Variants in TRPC6 observed in about 807,000 individuals in gnomAD.
TRPC6 encodes short transient receptor potential channel 6.
TRPC6 carries 55 observed loss-of-function variants against 90.7 expected under a neutral mutation model. The ratio of observed to expected loss-of-function variants is 0.61; its 90% CI spans 0.49 to 0.76. TRPC6 has a LOEUF of 0.76. Among genes scored for constraint, TRPC6 ranks in the 30% least tolerant of loss-of-function variants. The pLI is 0.00. For missense variants in TRPC6, 989 were observed against 1,122.7 expected (o/e 0.88, Z 1.70); for synonymous variants, 393 against 393.0 (o/e 1.00, Z 0.00).
intron 2 of TRPC6, among the ~76,000 whole-genome samples, chr11:101,492,436 T>G (rs2136709673): frequency 6.6e-6 from 1 of 151,962 alleles, no homozygotes; most frequent in South Asian, 2.1e-4. Flanking sequence ...ACAGAAAAAA[T>G]TAGCCGGGAG....
intron 2 of TRPC6, among the ~76,000 whole-genome samples, chr11:101,498,755 T>A (rs549104796): frequency 6.6e-6 from 1 of 152,094 alleles, no homozygotes; most frequent in African/African-American, 2.4e-5. Flanking sequence ...ATATGGATAA[T>A]TTTTAGGGAA....
Position 101,571,584 on chromosome 11 carries a change from C to A in TRPC6, c.170+11750G>T, listed in dbSNP as rs186467896. Among the ~76,000 whole-genome samples, 1,316 of 151,912 alleles carry A rather than the reference C, an allele frequency of 8.7e-3. 20 individuals carry two copies. The highest frequency in any genetic ancestry group is 0.028 in the African/African-American group (1,179 of 41,482). ...CAAGACAATCCTAAGCAAAAAGAAC[C>A]AAGCTGGAGGCATCACGCTACCTGA... On this transcript the variant is annotated intron_variant, in intron 1 of 12. Transcript: ENST00000344327.
intron 1 of TRPC6, among the ~76,000 whole-genome samples, chr11:101,512,063 T>C (rs997266939): frequency 4.6e-5 from 7 of 152,068 alleles, no homozygotes; most frequent in African/African-American, 1.7e-4. Flanking sequence ...TCTCTCCCTC[T>C]TGTTTAGAGG....
chr11:101,476,665 C>G, intron 5 of TRPC6, 131 bp from the exon 6 acceptor site: 2 of 765,814 alleles, frequency 2.6e-6, no homozygotes, highest in Non-Finnish European at 2.3e-6. Flanking sequence ...AACCTGCCGT[C>G]CCACCATAAT....
At chr11:101,555,164 T>A (rs1332204998) in intron 1 of TRPC6, among the ~76,000 whole-genome samples, 1 of 152,216 alleles carries the variant, frequency 6.6e-6, no homozygotes, top group Non-Finnish European at 1.5e-5. Flanking sequence ...ATTCACTAGA[T>A]GATTATACAA....
intron 1 of TRPC6, among the ~76,000 whole-genome samples, chr11:101,557,453 A>G (rs923793502): frequency 2.6e-5 from 4 of 152,200 alleles, no homozygotes; most frequent in African/African-American, 9.6e-5. Flanking sequence ...CTGGAACAAG[A>G]TAAGTTGCCC....
chr11:101,569,707 T>C (rs1861914935), intron 1 of TRPC6, among the ~76,000 whole-genome samples: 2 of 152,122 alleles, frequency 1.3e-5, no homozygotes, highest in Admixed American at 1.3e-4. Flanking sequence ...AACTCAGGAT[T>C]AAGAAACTCA....
At chr11:101,469,629 T>TA in intron 9 of TRPC6, 128 bp from the exon 10 acceptor site, 1 of 595,938 alleles carries the variant, frequency 1.7e-6, no homozygotes, top group South Asian at 1.9e-5. Context: ...CTTACGGGGT[T>TA]CTTCCCTTTG....
At chr11:101,491,804 C>A in intron 2 of TRPC6, 66 bp from the exon 3 acceptor site, 10 of 1,166,686 alleles carry the variant, frequency 8.6e-6, no homozygotes, top group South Asian at 1.3e-5. Flanking sequence ...GCTTCAGAGA[C>A]TTGAAGGATT....
chr11:101,540,898 C>T (rs1445547184), intron 1 of TRPC6, among the ~76,000 whole-genome samples: 2 of 152,016 alleles, frequency 1.3e-5, no homozygotes, highest in Non-Finnish European at 2.9e-5. Flanking sequence ...TTAAATATAA[C>T]CTACACAAAA....
At chr11:101,530,983 C>A (rs1860899397) in intron 1 of TRPC6, among the ~76,000 whole-genome samples, 2 of 152,112 alleles carry the variant, frequency 1.3e-5, no homozygotes, top group African/African-American at 4.8e-5. Flanking sequence ...AGGGTACAAA[C>A]TTTCAGTTTG....
chr11:101,476,854 C>A (rs1377124013), intron 5 of TRPC6, among the ~76,000 whole-genome samples: 2 of 152,120 alleles, frequency 1.3e-5, no homozygotes, highest in African/African-American at 4.8e-5. Flanking sequence ...CAAACACACC[C>A]ACACACTCAA....
At chr11:101,582,744 T>C (rs1339074827) in intron 1 of TRPC6, among the ~76,000 whole-genome samples, 2 of 152,032 alleles carry the variant, frequency 1.3e-5, no homozygotes, top group African/African-American at 2.4e-5. Flanking sequence ...ATTGGTTCTA[T>C]TTCTGTCTTC....
At chr11:101,533,447 G>A (rs1221559565) in intron 1 of TRPC6, among the ~76,000 whole-genome samples, 1 of 152,142 alleles carries the variant, frequency 6.6e-6, no homozygotes, top group Non-Finnish European at 1.5e-5. Context: ...CTGTCACAAA[G>A]ACAGTGCCAA....
intron 1 of TRPC6, among the ~76,000 whole-genome samples, chr11:101,559,180 T>C (rs1861655414): frequency 1.3e-5 from 2 of 151,962 alleles, no homozygotes. Context: ...AAAACACAGA[T>C]AATAAATGAG....
intron 1 of TRPC6, among the ~76,000 whole-genome samples, chr11:101,534,042 T>A (rs1860976146): frequency 6.6e-6 from 1 of 152,186 alleles, no homozygotes; most frequent in African/African-American, 2.4e-5. Flanking sequence ...AAAATCAGGC[T>A]CTGCCATCAG....
rs773157063 is a variant in TRPC6 at position 101,471,269 on chromosome 11, A to G, written c.2323T>C (p.Tyr775His). ...NLVPSPKSLF[Y>H]LLLKLKKWIS... ...CATTTTTTAAGCTTCAGTAAGAGAT[A>G]AAACAGGGACTTTGGACTCGGCACC... The change falls in exon 9 of 13, where the codon TAT becomes CAT. Residue 775 changes from tyrosine to histidine, a missense_variant. Transcript: ENST00000344327. The G allele has an allele frequency of 2.5e-6, 4 of 1,614,026 alleles. No individual in the cohort carries two copies. The South Asian group carries it at 3.3e-5, about 13-fold the overall frequency.
chr11:101,471,491 C>G, intron 8 of TRPC6, 105 bp from the exon 9 acceptor site: 2 of 1,171,818 alleles, frequency 1.7e-6, no homozygotes, highest in Non-Finnish European at 2.5e-6. Flanking sequence ...TATAAACACT[C>G]TCAGACCCCA....
chr11:101,551,953 T>G (rs967771703), intron 1 of TRPC6, among the ~76,000 whole-genome samples: 1 of 152,060 alleles, frequency 6.6e-6, no homozygotes, highest in African/African-American at 2.4e-5. Flanking sequence ...TTGTAGAAAC[T>G]GGGGCTTGGG....
Sources: gnomAD v4.1 joint callset for allele counts (sites outside exome capture counted in the v4.1 genomes callset) on GRCh38, gnomAD v4.1.1 for gene constraint, MANE v1.5 for transcripts, NCBI Gene and HGNC (gene_info 2026-07-23, HGNC 2026-07-21) for gene names.